The following ZFHX3 variants were observed in gnomAD, a reference collection of about 807,000 sequenced individuals.
ZFHX3 encodes the protein zinc finger homeobox 3.
Under a neutral mutation model 279.1 loss-of-function variants are expected in ZFHX3, and 42 were observed. The observed-to-expected ratio is 0.15, with a 90% CI of 0.12 to 0.19. The LOEUF is 0.19. ZFHX3 is among the 10% of genes least tolerant of loss of function. The probability of loss-of-function intolerance (pLI) is 1.00; values close to 1 mark genes in which losing one functional copy is unlikely to be tolerated. For missense variants in ZFHX3, 4,981 were observed against 4,754.0 expected (o/e 1.05, Z -1.40); for synonymous variants, 2,293 against 1,957.8 (o/e 1.17, Z -4.52).
intron 7 of ZFHX3, among the ~76,000 whole-genome samples, chr16:73,100,260 G>A (rs1054371148): frequency 1.3e-5 from 2 of 152,180 alleles, no homozygotes; most frequent in Non-Finnish European, 2.9e-5. Context: ...ACAGACAGCT[G>A]AGGGATGACC....
intron 3 of ZFHX3, among the ~76,000 whole-genome samples, chr16:73,447,506 AG>A (rs1277319299): frequency 6.6e-6 from 1 of 152,178 alleles, no homozygotes; most frequent in Non-Finnish European, 1.5e-5. Context: ...GGGTGGAGTC[AG>A]GAACATAATT....
At chr16:73,180,965 T>C (rs112527028) in intron 5 of ZFHX3, among the ~76,000 whole-genome samples, 25,966 of 151,982 alleles carry the variant, frequency 0.17, 2,346 homozygotes, top group African/African-American at 0.21. Flanking sequence ...GCCTGGCCCA[T>C]TGTGCTTCTT....
intron 1 of ZFHX3, among the ~76,000 whole-genome samples, chr16:73,802,822 T>A (rs911379321): frequency 2.6e-5 from 4 of 152,194 alleles, no homozygotes; most frequent in African/African-American, 9.7e-5. Flanking sequence ...ATGATTTCTT[T>A]TTGTTTTTGT....
chr16:73,242,508 T>A (rs1416336368), intron 5 of ZFHX3, among the ~76,000 whole-genome samples: 1 of 152,190 alleles, frequency 6.6e-6, no homozygotes, highest in Non-Finnish European at 1.5e-5. Flanking sequence ...TACATAAAAA[T>A]AGCTATGAAC....
intron 3 of ZFHX3, among the ~76,000 whole-genome samples, chr16:73,377,088 C>T (rs1159811815): frequency 2.0e-5 from 3 of 151,758 alleles, no homozygotes; most frequent in Non-Finnish European, 4.4e-5. Context: ...TCTCCTGCCT[C>T]AGCCTCCCCA....
intron 1 of ZFHX3, among the ~76,000 whole-genome samples, chr16:73,020,790 C>A (rs1277892094): frequency 2.0e-5 from 3 of 152,180 alleles, no homozygotes; most frequent in Non-Finnish European, 2.9e-5. Flanking sequence ...TCTGTCTTAT[C>A]CTATTCAAAT....
intron 5 of ZFHX3, among the ~76,000 whole-genome samples, chr16:73,197,558 T>G (rs1238130933): frequency 1.3e-5 from 2 of 152,230 alleles, no homozygotes; most frequent in Non-Finnish European, 2.9e-5. Context: ...TCAAACCACC[T>G]AAACCACTTC....
intron 3 of ZFHX3, among the ~76,000 whole-genome samples, chr16:73,451,067 C>G (rs1414011288): frequency 1.3e-5 from 2 of 152,174 alleles, no homozygotes; most frequent in East Asian, 1.9e-4. Context: ...CTGTGTTCCA[C>G]TAAGTCATAA....
At chr16:73,813,502 CA>C (rs200645583) in intron 1 of ZFHX3, among the ~76,000 whole-genome samples, 7 of 149,266 alleles carry the variant, frequency 4.7e-5, no homozygotes, top group Admixed American at 2.7e-4. Flanking sequence ...TTCAGTAAAA[CA>C]AAAAAAAAGG....
chr16:73,883,678 G>T (rs1248628529), intron 1 of ZFHX3, among the ~76,000 whole-genome samples: 1 of 151,896 alleles, frequency 6.6e-6, no homozygotes, highest in Admixed American at 6.6e-5. Flanking sequence ...GCTACTAGAT[G>T]ATTCCTTAGG....
At chr16:73,533,202 C>T (rs939727017) in intron 2 of ZFHX3, among the ~76,000 whole-genome samples, 4 of 151,922 alleles carry the variant, frequency 2.6e-5, no homozygotes, top group Admixed American at 6.6e-5. Context: ...GCCTCTTCCC[C>T]ATCCTCACTT....
chr16:72,811,437 G>T lies in ZFHX3; in HGVS notation c.3864+140C>A, dbSNP rs955113310. Reference sequence around the variant, plus strand: ...CTAAGGCAGGGATAGTACAACAAAGGTCACAGAACAAGGACTGTTTTCTGA... The same window carrying T: ...CTAAGGCAGGGATAGTACAACAAAGTTCACAGAACAAGGACTGTTTTCTGA... On this transcript the variant is annotated intron_variant, in intron 7 of 9. Coordinates refer to ENST00000268489, the MANE Select transcript of ZFHX3 (RefSeq NM_006885.4). The T allele has an allele frequency of 2.4e-5, 23 of 944,682 alleles. No individual in the cohort carries two copies. In the African/African-American group the frequency reaches 3.7e-4, roughly 15 times the overall value. 58.5% of individuals were successfully genotyped at this position (944,682 alleles called of 1,614,324 possible). A position where few individuals can be genotyped will look rare whatever the true frequency, so the allele number is the denominator to read the frequency against.
intron 1 of ZFHX3, among the ~76,000 whole-genome samples, chr16:73,019,347 T>C (rs1261761711): frequency 1.7e-5 from 2 of 116,186 alleles, no homozygotes; most frequent in Admixed American, 1.2e-4. Flanking sequence ...TCTGTGCGTG[T>C]GTGTGTGTGT....
chr16:73,196,727 T>G (rs1304742820), intron 5 of ZFHX3, among the ~76,000 whole-genome samples: 1 of 152,160 alleles, frequency 6.6e-6, no homozygotes, highest in Admixed American at 6.5e-5. Context: ...CTAGCCCAAA[T>G]AATAGACCCA....
At chr16:73,576,880 C>T (rs972248314) in intron 2 of ZFHX3, among the ~76,000 whole-genome samples, 8 of 152,132 alleles carry the variant, frequency 5.3e-5, no homozygotes, top group Admixed American at 2.0e-4. Flanking sequence ...CTCCTCCCAC[C>T]CTCCACGCTC....
rs55784668 is a variant in ZFHX3 at position 73,800,734 on chromosome 16, C to G, written c.-1608+90917G>C. Among the ~76,000 whole-genome samples the G allele has an allele frequency of 3.3e-3, 506 of 152,216 alleles. 3 individuals are homozygous for G. The highest frequency in any genetic ancestry group is 4.7e-3 in the Non-Finnish European group (320 of 68,016). On this transcript the variant is annotated intron_variant, in intron 1 of 17. Transcript: ENST00000641206. Reference sequence around the variant, plus strand: ...TGGTCGTGTCATCCTTTTGAGCTGCCCAACTCCATCTGCCCCTGGGCACCT... The same window carrying G: ...TGGTCGTGTCATCCTTTTGAGCTGCGCAACTCCATCTGCCCCTGGGCACCT...
At chr16:73,443,470 T>C (rs1395300041) in intron 3 of ZFHX3, among the ~76,000 whole-genome samples, 1 of 152,242 alleles carries the variant, frequency 6.6e-6, no homozygotes, top group Non-Finnish European at 1.5e-5. Context: ...TCTCCTCCAA[T>C]GGACACACCA....
chr16:72,896,278 C>T (rs777198779), intron 3 of ZFHX3, among the ~76,000 whole-genome samples: 3 of 152,168 alleles, frequency 2.0e-5, no homozygotes, highest in Non-Finnish European at 4.4e-5. Context: ...ATTAGGGCTA[C>T]TCATGTTTTA....
intron 3 of ZFHX3, chr16:73,400,771 T>C (rs1452752737): frequency 6.6e-6 from 1 of 152,196 alleles, no homozygotes; most frequent in Admixed American, 6.5e-5. Flanking sequence ...CTCTTGGTCA[T>C]CTTTGTTGTC....
Sources: gnomAD v4.1 joint callset for allele counts (sites outside exome capture counted in the v4.1 genomes callset) on GRCh38, gnomAD v4.1.1 for gene constraint, MANE v1.5 for transcripts, NCBI Gene and HGNC (gene_info 2026-07-23, HGNC 2026-07-21) for gene names.